The following PCDH11X variants were observed in gnomAD, a reference collection of about 807,000 sequenced individuals.
PCDH11X encodes protocadherin 11 X-linked.
Under a neutral mutation model 53.3 loss-of-function variants are expected in PCDH11X, and 18 were observed. The observed-to-expected ratio is 0.34, with a 90% CI of 0.23 to 0.50. PCDH11X has a LOEUF of 0.50. Ranked by LOEUF, PCDH11X falls within the 20% of genes least tolerant of loss-of-function variation. The pLI is 0.98. For missense variants in PCDH11X, 570 were observed against 1,032.4 expected, an observed-to-expected ratio of 0.55 and a Z score of 6.14; for synonymous variants, 279 against 393.3, an observed-to-expected ratio of 0.71 and a Z score of 3.44.
chrX:92,296,042 A>G (rs34302684), intron 8 of PCDH11X, among the ~76,000 whole-genome samples: 1 of 108,536 alleles, frequency 9.2e-6, no homozygotes, highest in Non-Finnish European at 1.9e-5. Context: ...AGATCGTGCC[A>G]TTGCACTCCA....
chrX:92,416,874 A>T (rs905890750), intron 9 of PCDH11X, among the ~76,000 whole-genome samples: 3 of 112,135 alleles, frequency 2.7e-5, no homozygotes, highest in Non-Finnish European at 5.7e-5. Flanking sequence ...AAATATGAAT[A>T]AAAGTTGTAC....
chrX:92,245,000 G>C (rs1348598433), intron 7 of PCDH11X, among the ~76,000 whole-genome samples: 1 of 112,149 alleles, frequency 8.9e-6, no homozygotes, highest in African/African-American at 3.2e-5. Flanking sequence ...AAGATCAGTG[G>C]AACCATCCAG....
At chrX:92,357,130 TAAA>T (rs58862953) in intron 8 of PCDH11X, among the ~76,000 whole-genome samples, 1 of 86,827 alleles carries the variant, frequency 1.2e-5, no homozygotes, top group Non-Finnish European at 2.4e-5. Flanking sequence ...TTTTTTTTTT[TAAA>T]AAAAAGCCTG....
At chrX:92,370,552 C>T (rs896105104) in intron 8 of PCDH11X, among the ~76,000 whole-genome samples, 2 of 106,361 alleles carry the variant, frequency 1.9e-5, no homozygotes, top group Non-Finnish European at 3.9e-5. Context: ...CTCCACCTCC[C>T]AGGTTCAAGC....
At chrX:92,465,966 T>C (rs1220313129) in intron 9 of PCDH11X, among the ~76,000 whole-genome samples, 1 of 111,157 alleles carries the variant, frequency 9.0e-6, no homozygotes, top group Non-Finnish European at 1.9e-5. Flanking sequence ...TTTTTATTAT[T>C]ATTGAATTTG....
At position 91,973,474 on chromosome X, in the gene PCDH11X, G is replaced by A. The variant is rs1465090162; in HGVS notation, c.3033+94201G>A. On this transcript the variant is annotated intron_variant, in intron 6 of 10. Transcript: ENST00000682573. ...AATTAAAAAAAAAAAAAAGAAAATTGCTGGTGACAGATTTTAAGTGTTCTC... is the reference window on the plus strand; with the variant it reads ...AATTAAAAAAAAAAAAAAGAAAATTACTGGTGACAGATTTTAAGTGTTCTC... Among the ~76,000 whole-genome samples the A allele has an allele frequency of 8.5e-5, 9 of 105,797 alleles. No homozygotes were observed. The East Asian group carries it at 2.7e-3, about 32-fold the overall frequency. The allele number at this position is 105,797 out of a possible 115,157, so 91.9% of individuals were successfully genotyped here.
intron 8 of PCDH11X, among the ~76,000 whole-genome samples, chrX:92,312,742 T>C (rs2068977943): frequency 8.9e-6 from 1 of 112,029 alleles, no homozygotes; most frequent in African/African-American, 3.2e-5. Flanking sequence ...TGAATGCTGT[T>C]TGAAAAGTGT....
rs986024023 is a variant in PCDH11X at position 92,460,160 on chromosome X, T to A, written c.3344-8139T>A. The A allele has an allele frequency of 3.4e-4, 327 of 970,325 alleles. 1 individual carries two copies. The highest frequency in any genetic ancestry group is 2.1e-3 in the Middle Eastern group (6 of 2,824). 80.0% of individuals were successfully genotyped at this position (970,325 alleles called of 1,213,427 possible). ...CGTCTTGCTGCTGATGACTTTAGAGTCAAGTATGAGACACAGCTGGCGATG... is the reference window on the plus strand; with the variant it reads ...CGTCTTGCTGCTGATGACTTTAGAGACAAGTATGAGACACAGCTGGCGATG... On this transcript the variant is annotated intron_variant, in intron 9 of 10. Coordinates refer to ENST00000682573, the MANE Select transcript of PCDH11X (RefSeq NM_032968.5).
chrX:92,070,076 C>T (rs1334379740), intron 6 of PCDH11X, among the ~76,000 whole-genome samples: 1 of 111,533 alleles, frequency 9.0e-6, no homozygotes, highest in Non-Finnish European at 1.9e-5. Flanking sequence ...ACTTCATCCC[C>T]CCATTATTTT....
chrX:92,215,293 C>T (rs2066674207), intron 7 of PCDH11X, among the ~76,000 whole-genome samples: 1 of 108,424 alleles, frequency 9.2e-6, no homozygotes, highest in African/African-American at 3.4e-5. Flanking sequence ...AGTTCCCTTT[C>T]CTAGTCAAAG....
intron 6 of PCDH11X, among the ~76,000 whole-genome samples, chrX:91,894,526 C>G (rs949066713): frequency 1.8e-5 from 2 of 111,599 alleles, no homozygotes; most frequent in Non-Finnish European, 3.8e-5. Context: ...AAACGCACCC[C>G]TCTTATTCCC....
chrX:92,330,123 G>A (rs1031527913), intron 8 of PCDH11X, among the ~76,000 whole-genome samples: 3 of 109,534 alleles, frequency 2.7e-5, no homozygotes, highest in Non-Finnish European at 5.7e-5. Flanking sequence ...CTATATACCC[G>A]CAAATTAAAA....
intron 6 of PCDH11X, among the ~76,000 whole-genome samples, chrX:92,105,372 AAGC>A (rs1202433191): frequency 4.5e-5 from 5 of 110,481 alleles, no homozygotes; most frequent in African/African-American, 1.6e-4. Context: ...ACGGAGCAAA[AAGC>A]AGGAGGACAG....
At chrX:92,380,569 C>T (rs1248485580) in intron 8 of PCDH11X, among the ~76,000 whole-genome samples, 2 of 112,062 alleles carry the variant, frequency 1.8e-5, no homozygotes, top group Non-Finnish European at 3.8e-5. Flanking sequence ...CTACTGGTTG[C>T]TGTAGCTAGC....
intron 1 of PCDH11X, among the ~76,000 whole-genome samples, chrX:91,787,897 G>A (rs376147363): frequency 1.8e-5 from 2 of 110,555 alleles, no homozygotes; most frequent in East Asian, 2.9e-4. Context: ...ACAAATATTC[G>A]TTGTCACTCT....
At chrX:92,313,931 T>G (rs1351511212) in intron 8 of PCDH11X, among the ~76,000 whole-genome samples, 1 of 110,959 alleles carries the variant, frequency 9.0e-6, no homozygotes, top group Non-Finnish European at 1.9e-5. Flanking sequence ...TCTGGGTGAG[T>G]GAGTGATGAA....
intron 8 of PCDH11X, among the ~76,000 whole-genome samples, chrX:92,278,806 G>GTTTTTTTTTTT (rs35000823): frequency 2.1e-5 from 1 of 47,378 alleles, no homozygotes; most frequent in African/African-American, 9.3e-5. Flanking sequence ...TCTCTTTTCA[G>GTTTTTTTTTTT]TTTTTTTTTT....
intron 6 of PCDH11X, among the ~76,000 whole-genome samples, chrX:91,986,637 T>C (rs1290279055): frequency 1.8e-5 from 2 of 109,293 alleles, no homozygotes; most frequent in Non-Finnish European, 3.8e-5. Flanking sequence ...GGCTCATGTC[T>C]CTTCCTCCAT....
At chrX:92,288,684 TA>T (rs1411906516) in intron 8 of PCDH11X, among the ~76,000 whole-genome samples, 1 of 111,539 alleles carries the variant, frequency 9.0e-6, no homozygotes, top group Non-Finnish European at 1.9e-5. Context: ...TATGGAAAAA[TA>T]AAAATCAGAG....
Sources: gnomAD v4.1 joint callset for allele counts (sites outside exome capture counted in the v4.1 genomes callset) on GRCh38, gnomAD v4.1.1 for gene constraint, MANE v1.5 for transcripts, NCBI Gene and HGNC (gene_info 2026-07-23, HGNC 2026-07-21) for gene names.